The following SPIN2A variants were observed in gnomAD, a reference collection of about 807,000 sequenced individuals.
The protein encoded by SPIN2A is spindlin family member 2A, also known as spindlin-2A.
In SPIN2A, 4 loss-of-function variants were observed where a neutral mutation model predicts 9.2. The ratio of observed to expected loss-of-function variants is 0.44; its 90% CI spans 0.21 to 1.00. The LOEUF (loss-of-function observed/expected upper bound fraction) is 1.00, where lower values mean the gene tolerates loss of function less well. SPIN2A is among the 50% of genes least tolerant of loss of function. The pLI is 0.26. For synonymous variants in SPIN2A, 25 were observed against 61.2 expected (o/e 0.41, Z 2.76); for missense variants, 77 against 172.8 (o/e 0.45, Z 3.11).
At chrX:57,141,822 C>T (rs1198920099), upstream of SPIN2A, among the ~76,000 whole-genome samples, 2 of 110,441 alleles carry the variant, frequency 1.8e-5, no homozygotes, top group Non-Finnish European at 3.8e-5. Context: ...TAGGATACAA[C>T]TGAAGAAAGT....
the SPIN2A span, among the ~76,000 whole-genome samples, chrX:57,145,992 G>C: frequency 9.1e-6 from 1 of 109,744 alleles, no homozygotes; most frequent in Admixed American, 9.7e-5. Context: ...TGGGTAATGT[G>C]ATGCCTCCAA....
At chrX:57,146,348 C>A in the SPIN2A span, among the ~76,000 whole-genome samples, 1 of 111,263 alleles carries the variant, frequency 9.0e-6, no homozygotes, top group Admixed American at 9.6e-5. Flanking sequence ...GGATTGAGTT[C>A]TTGATTTGAT....
the SPIN2A span, among the ~76,000 whole-genome samples, chrX:57,146,499 A>G: frequency 9.0e-6 from 1 of 111,722 alleles, no homozygotes; most frequent in Non-Finnish European, 1.9e-5. Context: ...ATCTGATCAT[A>G]TCATCAGCAA....
the SPIN2A span, among the ~76,000 whole-genome samples, chrX:57,144,622 C>T: frequency 1.8e-5 from 2 of 109,661 alleles, no homozygotes; most frequent in African/African-American, 3.3e-5. Flanking sequence ...ACGTATCACC[C>T]GAGCAGTTTA....
At chrX:57,140,598 CAAAAA>C (rs56693403), upstream of SPIN2A, among the ~76,000 whole-genome samples, 2 of 58,828 alleles carry the variant, frequency 3.4e-5, no homozygotes, top group South Asian at 1.0e-3. Context: ...GACCCCGTCT[CAAAAA>C]AAAAAAAAAA....
Position 57,136,114 on chromosome X carries a change from A to C in SPIN2A, c.484T>G (p.Phe162Val). 8.3e-7 allele frequency: 1 copy of C among 1,206,683 alleles called. No individual in the cohort carries two copies. Among genetic ancestry groups the C allele is most frequent in the Non-Finnish European group, 1.1e-6 (1 of 894,024 alleles). ...GGATCTTTCTCATAGGTAATATAAA[A>C]CCAGGCTTTCATGATAGGTGCTTGA... ...LAQAPIMKAW[F>V]YITYEKDPVL... Residue 162 changes from phenylalanine to valine, a missense_variant, in exon 2 of 2, where the codon TTT (phenylalanine) becomes GTT (valine). Transcript: ENST00000374906.
At chrX:57,134,610 A>G (rs1436818800), downstream of SPIN2A, 2 of 111,459 alleles carry the variant, frequency 1.8e-5, no homozygotes, top group Non-Finnish European at 3.8e-5. Flanking sequence ...AAGGAATAGG[A>G]GTGATGAGAC....
chrX:57,144,112 C>T, the SPIN2A span, among the ~76,000 whole-genome samples: 1 of 111,976 alleles, frequency 8.9e-6, no homozygotes, highest in Non-Finnish European at 1.9e-5. Context: ...TTTTTTCCTT[C>T]TGCACTTTCA....
intron 1 of SPIN2A, 46 bp downstream of exon 1, chrX:57,137,214 C>T: frequency 2.6e-6 from 2 of 760,315 alleles, no homozygotes; most frequent in Non-Finnish European, 3.1e-6. Context: ...CCCTGCCTGG[C>T]GTCCACCGCC....
chrX:57,136,991 C>T (rs886363443), intron 1 of SPIN2A: 1 of 888,388 alleles, frequency 1.1e-6, no homozygotes, highest in Admixed American at 5.8e-5. Context: ...CTGTAACCCC[C>T]ACTGCCTATC....
chrX:57,136,971 C>G (rs1048934459), intron 1 of SPIN2A: 1 of 888,328 alleles, frequency 1.1e-6, no homozygotes. Context: ...CTGAGTGCCT[C>G]TGGTGCTGTC....
At chrX:57,140,199 T>A (rs772934770), upstream of SPIN2A, among the ~76,000 whole-genome samples, 161 of 111,015 alleles carry the variant, frequency 1.5e-3, no homozygotes, top group African/African-American at 5.1e-3. Flanking sequence ...GTTTTATAAA[T>A]AAAATCAGTT....
chrX:57,147,127 A>T, the SPIN2A span, among the ~76,000 whole-genome samples: 621 of 111,762 alleles, frequency 5.6e-3, 2 homozygotes, highest in Non-Finnish European at 8.6e-3. Flanking sequence ...AATAGTGCCA[A>T]TAGGATTTGT....
chrX:57,136,381 G>C lies in SPIN2A; in HGVS notation c.217C>G (p.Leu73Val). ...EPITQWKGTV[L>V]DQVPINPSLY... The stretch of plus-strand genomic sequence containing the variant: ...GAGGGATTTATAGGCACCTGATCCA[G>C]AACGGTTCCTTTCCACTGCGTGATG... The change falls in exon 2 of 2, where the codon CTG (leucine) becomes GTG (valine). Residue 73 changes from leucine (L) to valine (V), a missense_variant. Physicochemically the swap from Leu to Val is conservative, Grantham distance 32. This residue lies in a region of SPIN2A where 17 missense variants were observed against 73.2 expected (regional missense o/e 0.23). Coordinates refer to ENST00000374906, the MANE Select transcript of SPIN2A (RefSeq NM_019003.5). The C allele has an allele frequency of 1.0e-6, 1 of 999,858 alleles. No homozygotes were observed. The highest frequency in any genetic ancestry group is 1.3e-6 in the Non-Finnish European group (1 of 741,160). 82.4% of individuals were successfully genotyped at this position (999,858 alleles called of 1,213,427 possible).
upstream of SPIN2A, among the ~76,000 whole-genome samples, chrX:57,139,311 G>A (rs1927932681): frequency 8.9e-6 from 1 of 112,246 alleles, no homozygotes; most frequent in Admixed American, 9.4e-5. Flanking sequence ...ATTACAGAGA[G>A]TGTCCTTTCT....
Position 57,136,207 on chromosome X carries a change from T to G in SPIN2A, c.391A>C (p.Lys131Gln), listed in dbSNP as rs1927728906. Residue 131 changes from lysine (K) to glutamine (Q), a missense_variant, in exon 2 of 2, where the codon AAA (lysine) becomes CAA (glutamine). Coordinates refer to ENST00000374906, the MANE Select transcript of SPIN2A (RefSeq NM_019003.5). ...CCCTCAAACATGTGTTCCACTGCTT[T>G]GCCAATTATGGTATTTGCAAGGTTG... ...DANLANTIIG[K>Q]AVEHMFEGEH... The G allele has an allele frequency of 1.7e-6, 2 of 1,210,591 alleles. No individual in the cohort carries two copies. The highest frequency in any genetic ancestry group is 2.2e-6 in the Non-Finnish European group (2 of 895,314).
At chrX:57,139,535 G>T (rs974095289), upstream of SPIN2A, among the ~76,000 whole-genome samples, 2 of 111,109 alleles carry the variant, frequency 1.8e-5, no homozygotes, top group Admixed American at 9.6e-5. Context: ...CTCACTGCGA[G>T]CTCCTTCTCC....
At chrX:57,141,603 C>A (rs766621442), upstream of SPIN2A, among the ~76,000 whole-genome samples, 42 of 111,315 alleles carry the variant, frequency 3.8e-4, no homozygotes, top group African/African-American at 8.8e-4. Flanking sequence ...CCATTGCTAT[C>A]TCATTACCTA....
chrX:57,146,707 TA>T, the SPIN2A span, among the ~76,000 whole-genome samples: 2 of 112,350 alleles, frequency 1.8e-5, no homozygotes, highest in African/African-American at 6.4e-5. Context: ...GTGTTTGCCA[TA>T]GATGGCTTTT....
Sources: gnomAD v4.1 joint callset for allele counts (sites outside exome capture counted in the v4.1 genomes callset) on GRCh38, gnomAD v4.1.1 for gene constraint, gnomAD v4.1.1 regional missense constraint, MANE v1.5 for transcripts, NCBI Gene and HGNC (gene_info 2026-07-23, HGNC 2026-07-21) for gene names.